Variants in P3H2 observed in about 807,000 individuals in gnomAD.
P3H2 encodes prolyl 3-hydroxylase 2, also known as leprecan-like 1.
P3H2 carries 80 observed loss-of-function variants against 87.0 expected under a neutral mutation model. The observed-to-expected ratio is 0.92, with a 90% CI of 0.77 to 1.11. The LOEUF is 1.11. Ranked by LOEUF, P3H2 falls within the 50% of genes least tolerant of loss-of-function variation. P3H2 has a pLI of 0.00. For missense variants in P3H2, 1,001 were observed against 923.9 expected (o/e 1.08, Z -1.08); for synonymous variants, 367 against 359.3 (o/e 1.02, Z -0.24).
intron 1 of P3H2, among the ~76,000 whole-genome samples, chr3:190,064,183 G>A (rs1274105832): frequency 6.7e-6 from 1 of 149,950 alleles, no homozygotes; most frequent in Non-Finnish European, 1.5e-5. Context: ...TTTTAGTGGA[G>A]AACAGGCCTT....
At chr3:189,970,496 A>C (rs1723146518) in intron 13 of P3H2, among the ~76,000 whole-genome samples, 1 of 151,728 alleles carries the variant, frequency 6.6e-6, no homozygotes, top group Non-Finnish European at 1.5e-5. Context: ...TTAGGAACTG[A>C]CGTTCTTACG....
chr3:190,068,433 C>A (rs755240333), intron 1 of P3H2, among the ~76,000 whole-genome samples: 1 of 152,116 alleles, frequency 6.6e-6, no homozygotes, highest in Non-Finnish European at 1.5e-5. Flanking sequence ...GACTCAGCCC[C>A]CTGGACACAC....
At position 189,997,263 on chromosome 3, in the gene P3H2, G is replaced by A. The variant is rs560323667; in HGVS notation, c.481-1821C>T. 1.1e-4 allele frequency among the ~76,000 whole-genome samples: 16 copies of A among 152,164 alleles called. No homozygotes were observed. The South Asian group carries it at 2.5e-3, about 24-fold the overall frequency. ...TCTCGATCTCCTGACCTTGTGATCC[G>A]CCCACTTCACATATTTACATATGCT... On this transcript the variant is annotated intron_variant, in intron 1 of 14. Transcript: ENST00000319332.
intron 1 of P3H2, among the ~76,000 whole-genome samples, chr3:190,088,176 G>T (rs1423097740): frequency 6.6e-6 from 1 of 152,014 alleles, no homozygotes; most frequent in Non-Finnish European, 1.5e-5. Flanking sequence ...ATTTTTAAAG[G>T]AGTTCTTTCT....
At chr3:190,070,227 C>T (rs11917615) in intron 1 of P3H2, among the ~76,000 whole-genome samples, 25,113 of 150,968 alleles carry the variant, frequency 0.17, 3,158 homozygotes, top group African/African-American at 0.36. Context: ...TTATTGTTAT[C>T]ATTATTATTA....
chr3:190,024,530 CAAAAAA>C lies in P3H2; in HGVS notation c.481-29094_481-29089del, dbSNP rs71635314. On this transcript the variant is annotated intron_variant, in intron 1 of 14. Transcript: ENST00000319332. ...TGGGCAATAGAGTGAGGTTCCCTCT[CAAAAAA>C]AAAAAAAAAAAAAAAAAGAAAGAAA... 5.3e-4 allele frequency among the ~76,000 whole-genome samples: 28 copies of C among 52,954 alleles called. 1 individual carries two copies. The highest frequency in any genetic ancestry group is 9.8e-4 in the African/African-American group (15 of 15,318). The allele number at this position is 52,954 out of a possible 152,430, so 34.7% of individuals were successfully genotyped here. A position where few individuals can be genotyped will look rare whatever the true frequency, so the allele number is the denominator to read the frequency against.
At chr3:190,059,673 C>T (rs539973699) in intron 1 of P3H2, among the ~76,000 whole-genome samples, 1 of 152,270 alleles carries the variant, frequency 6.6e-6, no homozygotes, top group South Asian at 2.1e-4. Context: ...CCCACGAATG[C>T]TGGCCTCCTC....
At chr3:190,091,587 C>T (rs377352710) in intron 1 of P3H2, among the ~76,000 whole-genome samples, 3 of 152,208 alleles carry the variant, frequency 2.0e-5, no homozygotes, top group African/African-American at 7.2e-5. Context: ...TTTATAAATA[C>T]CAATCAATAT....
At chr3:190,071,977 GGT>G (rs1491217258) in intron 1 of P3H2, among the ~76,000 whole-genome samples, 1 of 129,410 alleles carries the variant, frequency 7.7e-6, no homozygotes, top group Admixed American at 7.3e-5. Context: ...CAAGATGAAG[GGT>G]TTTTTTTTTT....
intron 1 of P3H2, among the ~76,000 whole-genome samples, chr3:190,041,110 A>AC (rs1725616319): frequency 3.2e-5 from 2 of 62,830 alleles, no homozygotes; most frequent in African/African-American, 1.0e-4. Context: ...TATATATACT[A>AC]TATATATATA....
At chr3:190,097,270 T>A (rs1727615978) in intron 1 of P3H2, among the ~76,000 whole-genome samples, 1 of 151,756 alleles carries the variant, frequency 6.6e-6, no homozygotes, top group South Asian at 2.1e-4. Context: ...CTCTCACAGA[T>A]GTGATGCATT....
rs764579592 is a variant in P3H2 at position 190,120,262 on chromosome 3, G to T, written c.470C>A (p.Ala157Asp). ...RRVPYNYLQRAYIKLNQLEKA... is the reference protein window; with the variant it reads ...RRVPYNYLQRDYIKLNQLEKA... ...GCGCTCTGTGGGTACCTTGATGTAGGCCCGCTGCAGGTAGTTGTAGGGCAC... is the reference window on the plus strand; with the variant it reads ...GCGCTCTGTGGGTACCTTGATGTAGTCCCGCTGCAGGTAGTTGTAGGGCAC... Residue 157 changes from alanine to aspartate, a missense_variant, in exon 1 of 15, where the codon GCC becomes GAC. Physicochemically the swap from Ala to Asp is moderately radical, Grantham distance 126. Coordinates refer to ENST00000319332, the MANE Select transcript of P3H2 (RefSeq NM_018192.4). The T allele has an allele frequency of 6.2e-7, 1 of 1,610,826 alleles. No individual in the cohort carries two copies. Among genetic ancestry groups the T allele is most frequent in the Non-Finnish European group, 8.5e-7 (1 of 1,179,244 alleles).
At chr3:190,052,413 A>G (rs62279644) in intron 1 of P3H2, among the ~76,000 whole-genome samples, 28,805 of 152,128 alleles carry the variant, frequency 0.19, 2,882 homozygotes, top group Non-Finnish European at 0.23. Context: ...CCTGCAAAGG[A>G]CATAGACACT....
intron 1 of P3H2, among the ~76,000 whole-genome samples, chr3:190,046,695 T>C (rs532359445): frequency 6.6e-5 from 10 of 152,336 alleles, no homozygotes; most frequent in African/African-American, 2.4e-4. Flanking sequence ...GATTTCTCTA[T>C]AAAATTTGTA....
chr3:190,097,797 G>A (rs962958452), intron 1 of P3H2, among the ~76,000 whole-genome samples: 1 of 151,928 alleles, frequency 6.6e-6, no homozygotes, highest in African/African-American at 2.4e-5. Flanking sequence ...TCATCCCCAC[G>A]CCCCACCCCC....
intron 1 of P3H2, among the ~76,000 whole-genome samples, chr3:190,069,090 G>C (rs915631728): frequency 6.6e-6 from 1 of 152,106 alleles, no homozygotes; most frequent in East Asian, 1.9e-4. Flanking sequence ...TAATCCAAGA[G>C]AGCCTCACCT....
intron 1 of P3H2, among the ~76,000 whole-genome samples, chr3:189,999,909 G>A (rs1008890076): frequency 2.6e-5 from 4 of 152,132 alleles, no homozygotes; most frequent in Non-Finnish European, 5.9e-5. Context: ...GCATGACTAC[G>A]TGGTAGTCAT....
chr3:190,038,786 T>C (rs1553877590), intron 1 of P3H2, among the ~76,000 whole-genome samples: 1 of 152,206 alleles, frequency 6.6e-6, no homozygotes, highest in Non-Finnish European at 1.5e-5. Flanking sequence ...AATGAAACCA[T>C]ATGCCACAAT....
chr3:189,968,716 A>G (rs1029702038), intron 13 of P3H2, among the ~76,000 whole-genome samples: 1 of 152,198 alleles, frequency 6.6e-6, no homozygotes, highest in Non-Finnish European at 1.5e-5. Flanking sequence ...CACCAACAGT[A>G]TAAAAGCATT....
Sources: allele counts gnomAD v4.1 joint callset (sites outside exome capture counted in the v4.1 genomes callset), GRCh38; gene constraint gnomAD v4.1.1; transcripts MANE v1.5; gene names NCBI Gene and HGNC (gene_info 2026-07-23, HGNC 2026-07-21).